RGS6: variants seen among roughly 807,000 people sequenced by gnomAD.
RGS6 encodes the protein regulator of G-protein signaling 6.
Under a neutral mutation model 78.5 loss-of-function variants are expected in RGS6, and 30 were observed. The observed-to-expected ratio is 0.38, with a 90% CI of 0.29 to 0.52. The LOEUF is 0.52. RGS6 is among the 20% of genes least tolerant of loss of function. The pLI is 0.85. For synonymous variants in RGS6, 206 were observed against 206.0 expected, an observed-to-expected ratio of 1.00 and a Z score of 0.00; for missense variants, 495 against 609.7, an observed-to-expected ratio of 0.81 and a Z score of 1.98.
chr14:71,920,785 A>T, the RGS6 span, among the ~76,000 whole-genome samples: 1 of 152,240 alleles, frequency 6.6e-6, no homozygotes, highest in Admixed American at 6.5e-5. Context: ...GGTTAAATAC[A>T]TCGGTTTCTG....
chr14:72,206,589 C>T (rs758280015), intron 2 of RGS6, among the ~76,000 whole-genome samples: 19 of 152,130 alleles, frequency 1.2e-4, no homozygotes, highest in Non-Finnish European at 2.6e-4. Context: ...GGAGGCCTCA[C>T]AGTCATGGCG....
chr14:72,326,799 C>G (rs555200929), intron 2 of RGS6, among the ~76,000 whole-genome samples: 49 of 152,322 alleles, frequency 3.2e-4, no homozygotes, highest in Admixed American at 8.5e-4. Flanking sequence ...GCTCCACCTC[C>G]CGGGCTCACG....
intron 2 of RGS6, among the ~76,000 whole-genome samples, chr14:72,008,957 C>T (rs2085126944): frequency 6.6e-6 from 1 of 152,192 alleles, no homozygotes; most frequent in East Asian, 1.9e-4. Flanking sequence ...GTTCACTGTG[C>T]CTAAACTGTA....
chr14:71,954,834 A>G (rs2153009897), intron 1 of RGS6, among the ~76,000 whole-genome samples: 1 of 152,286 alleles, frequency 6.6e-6, no homozygotes, highest in Non-Finnish European at 1.5e-5. Context: ...AGAATCCTTA[A>G]CATTTTTCAT....
chr14:72,099,896 G>A (rs1300509071), intron 2 of RGS6, among the ~76,000 whole-genome samples: 1 of 152,090 alleles, frequency 6.6e-6, no homozygotes, highest in Admixed American at 6.6e-5. Flanking sequence ...TTTCTACTTG[G>A]GAAACTGAGT....
At chr14:72,221,831 G>C in intron 2 of RGS6, among the ~76,000 whole-genome samples, 1 of 152,242 alleles carries the variant, frequency 6.6e-6, no homozygotes, top group South Asian at 2.1e-4. Context: ...GTGCTAGTTG[G>C]CTTAGGCCAG....
At chr14:72,371,896 A>G (rs1228010391) in intron 3 of RGS6, among the ~76,000 whole-genome samples, 1 of 152,244 alleles carries the variant, frequency 6.6e-6, no homozygotes. Context: ...ACTGCAGTGG[A>G]CATCATGCTC....
At chr14:72,287,028 C>T (rs1254102827) in intron 2 of RGS6, among the ~76,000 whole-genome samples, 1 of 152,202 alleles carries the variant, frequency 6.6e-6, no homozygotes, top group African/African-American at 2.4e-5. Context: ...AGGTGATCCA[C>T]CCACCTTGGC....
At chr14:72,560,790 TTGTGGACGTG>T (rs1470501064) in intron 17 of RGS6, among the ~76,000 whole-genome samples, 1 of 137,068 alleles carries the variant, frequency 7.3e-6, no homozygotes, top group Non-Finnish European at 1.6e-5. Context: ...TGGGGTGATT[TTGTGGACGTG>T]TGTGTGTGTG....
At chr14:72,429,961 G>A (rs990984038) in intron 3 of RGS6, among the ~76,000 whole-genome samples, 4 of 152,198 alleles carry the variant, frequency 2.6e-5, no homozygotes, top group East Asian at 1.9e-4. Flanking sequence ...GCCTTGTGAA[G>A]AAGGTACCTT....
chr14:71,877,574 C>T, the RGS6 span, among the ~76,000 whole-genome samples: 7 of 152,264 alleles, frequency 4.6e-5, no homozygotes, highest in East Asian at 5.8e-4. Flanking sequence ...GTTAGCCATT[C>T]GTCTAATCTT....
At chr14:72,569,758 A>G (rs142249775), downstream of RGS6, among the ~76,000 whole-genome samples, 365 of 152,286 alleles carry the variant, frequency 2.4e-3, 3 homozygotes, top group African/African-American at 6.2e-3. Context: ...ACCTTAGCCC[A>G]TCTTCCCTTG....
At chr14:72,594,093 A>T in the RGS6 span, among the ~76,000 whole-genome samples, 1 of 152,118 alleles carries the variant, frequency 6.6e-6, no homozygotes, top group Non-Finnish European at 1.5e-5. Flanking sequence ...GGCTTATGAA[A>T]CGTCTTTTAA....
At chr14:72,323,627 C>A (rs1188552292) in intron 2 of RGS6, among the ~76,000 whole-genome samples, 2 of 150,928 alleles carry the variant, frequency 1.3e-5, no homozygotes, top group Non-Finnish European at 3.0e-5. Context: ...TATGGTAAAA[C>A]CCTGTCTCTA....
intron 2 of RGS6, among the ~76,000 whole-genome samples, chr14:72,001,187 A>G (rs2083353161): frequency 6.6e-6 from 1 of 152,114 alleles, no homozygotes; most frequent in Non-Finnish European, 1.5e-5. Flanking sequence ...GGCCCTGCTA[A>G]ATTGGGAACA....
intron 2 of RGS6, among the ~76,000 whole-genome samples, chr14:72,244,405 C>T (rs1032069815): frequency 6.6e-6 from 1 of 152,058 alleles, no homozygotes; most frequent in Non-Finnish European, 1.5e-5. Context: ...ATATCATAGC[C>T]CATTACTGTA....
chr14:72,615,148 C>T, the RGS6 span, among the ~76,000 whole-genome samples: 1 of 152,172 alleles, frequency 6.6e-6, no homozygotes, highest in Non-Finnish European at 1.5e-5. Context: ...GAAGGGGCTG[C>T]TTCTGTCCCA....
chr14:72,461,693 A>G (rs1217096302), intron 6 of RGS6, among the ~76,000 whole-genome samples: 3 of 152,114 alleles, frequency 2.0e-5, no homozygotes, highest in East Asian at 1.9e-4. Flanking sequence ...CCCTGTCTCT[A>G]AAACAAAGAA....
chr14:72,398,753 T>C (rs887080098), intron 3 of RGS6, among the ~76,000 whole-genome samples: 8 of 152,206 alleles, frequency 5.3e-5, no homozygotes, highest in East Asian at 3.9e-4. Context: ...TATGTTGTGT[T>C]TTTGTTCTTG....
Sources: gnomAD v4.1 joint callset for allele counts (sites outside exome capture counted in the v4.1 genomes callset) on GRCh38, gnomAD v4.1.1 for gene constraint, MANE v1.5 for transcripts, NCBI Gene and HGNC (gene_info 2026-07-23, HGNC 2026-07-21) for gene names.